Variants in EPO observed in about 807,000 individuals in gnomAD.
EPO encodes erythropoietin.
A neutral mutation model predicts 24.4 loss-of-function variants in EPO; 12 were observed. The ratio of observed to expected loss-of-function variants is 0.49; its 90% CI spans 0.32 to 0.80. The LOEUF is 0.80. EPO is among the 30% of genes least tolerant of loss of function. The pLI, the probability that EPO is intolerant of heterozygous loss-of-function variation, is 0.04. For synonymous variants in EPO, 107 were observed against 104.0 expected (o/e 1.03, Z -0.18); for missense variants, 210 against 238.0 (o/e 0.88, Z 0.77).
Position 100,721,567 on chromosome 7 carries a change from C to T in EPO, c.23C>T (p.Ala8Val), listed in dbSNP as rs1196749542. ...TGGCTATCTGTTCTAGAATGTCCTGCCTGGCTGTGGCTTCTCCTGTCCCTG... is the reference window on the plus strand; with the variant it reads ...TGGCTATCTGTTCTAGAATGTCCTGTCTGGCTGTGGCTTCTCCTGTCCCTG... MGVHECPAWLWLLLSLLS... is the reference protein window; with the variant it reads MGVHECPVWLWLLLSLLS... The change falls in exon 2 of 5, where the codon GCC becomes GTC. Residue 8 changes from alanine (A) to valine (V), a missense_variant. By Grantham distance (64) the Ala-to-Val change is moderately conservative. Coordinates refer to ENST00000252723, the MANE Select transcript of EPO (RefSeq NM_000799.4). The surrounding 1 kb of genome is among the most constrained non-coding windows in gnomAD (Gnocchi z 4.0). 6.2e-7 allele frequency: 1 copy of T among 1,613,934 alleles called. No homozygotes were observed. The highest frequency in any genetic ancestry group is 2.2e-5 in the East Asian group (1 of 44,878).
rs1477072503 is a variant in EPO at position 100,723,199 on chromosome 7, C to A, written c.*66C>A. 11 of 1,522,460 alleles carry A rather than the reference C, an allele frequency of 7.2e-6. No individual in the cohort carries two copies. Among genetic ancestry groups the A allele is most frequent in the Middle Eastern group, 1.8e-4 (1 of 5,590 alleles). 94.3% of individuals were successfully genotyped at this position (1,522,460 alleles called of 1,614,324 possible). On this transcript the variant is annotated 3_prime_UTR_variant, in exon 5 of 5. Coordinates refer to ENST00000252723, the MANE Select transcript of EPO (RefSeq NM_000799.4). ...CAACATTGCTTGTGCCACACCCTCCCCCGCCACTCCTGAACCCCGTCGAGG... is the reference window on the plus strand; with the variant it reads ...CAACATTGCTTGTGCCACACCCTCCACCGCCACTCCTGAACCCCGTCGAGG...
chr7:100,722,777 G>C lies in EPO; in HGVS notation c.360G>C (p.Leu120=), dbSNP rs1476292304. The C allele has an allele frequency of 9.3e-6, 15 of 1,614,072 alleles. No homozygotes were observed. The highest frequency in any genetic ancestry group is 1.3e-5 in the Non-Finnish European group (15 of 1,179,994). ...NSSQPWEPLQ[L]HVDKAVSGLR... ...CCCAGCCGTGGGAGCCCCTGCAGCT[G>C]CATGTGGATAAAGCCGTCAGTGGCC... The change falls in exon 4 of 5, where the codon CTG becomes CTC. Residue 120 remains leucine, a synonymous_variant. Transcript: ENST00000252723.
At position 100,723,084 on chromosome 7, in the gene EPO, G is replaced by A. The variant is rs1242073140; in HGVS notation, c.533G>A (p.Gly178Glu). 1 of 1,614,100 alleles carries A rather than the reference G, an allele frequency of 6.2e-7. No individual in the cohort carries two copies. Among genetic ancestry groups the A allele is most frequent in the Admixed American group, 1.7e-5 (1 of 60,002 alleles). ...LFRVYSNFLR[G>E]KLKLYTGEAC... ...CGAGTCTACTCCAATTTCCTCCGGG[G>A]AAAGCTGAAGCTGTACACAGGGGAG... The change falls in exon 5 of 5, where the codon GGA becomes GAA. Residue 178 changes from glycine (G) to glutamate (E), a missense_variant. Gly to Glu is a moderately conservative substitution (Grantham distance 98). Coordinates refer to ENST00000252723, the MANE Select transcript of EPO (RefSeq NM_000799.4).
rs1806787078 is a variant in EPO, at chr7:100,723,596, G to GTT, written c.*463_*464insTT. 6.4e-6 allele frequency: 1 copy of GTT among 155,170 alleles called. No individual in the cohort carries two copies. Among genetic ancestry groups the GTT allele is most frequent in the Non-Finnish European group, 1.4e-5 (1 of 70,166 alleles). The allele number at this position is 155,170 out of a possible 1,614,324, so 9.6% of individuals were successfully genotyped here. A position where few individuals can be genotyped will look rare whatever the true frequency, so the allele number is the denominator to read the frequency against. The stretch of plus-strand genomic sequence containing the variant: ...GGTGGCAAGAGCCCCCTTGACACCG[G>GTT]GGTGGTGGGAACCATGAAGACAGGA... On this transcript the variant is annotated 3_prime_UTR_variant, in exon 5 of 5. Coordinates refer to ENST00000252723, the MANE Select transcript of EPO (RefSeq NM_000799.4).
rs1806723347 is a variant in EPO at position 100,720,574 on chromosome 7, C to T, written c.-407C>T. ...CAGCCCCCATGACCCACACGCACGT[C>T]TGCAGCAGCCCCGCTCACGCCCCGG... On this transcript the variant is annotated 5_prime_UTR_variant, in exon 1 of 5. Transcript: ENST00000252723. Among the ~76,000 whole-genome samples, 1 of 152,156 alleles carries T rather than the reference C, an allele frequency of 6.6e-6. No homozygotes were observed. Among genetic ancestry groups the T allele is most frequent in the African/African-American group, 2.4e-5 (1 of 41,440 alleles).
rs564752996 is a variant in EPO at position 100,721,755 on chromosome 7, G to A, written c.159+52G>A. On this transcript the variant is annotated intron_variant, in intron 2 of 4. Coordinates refer to ENST00000252723, the MANE Select transcript of EPO (RefSeq NM_000799.4). The surrounding 1 kb of genome is among the most constrained non-coding windows in gnomAD (Gnocchi z 4.0). ...ACAGAACTCACGCTCAGGGCTTCAGGGAACTCCTCCCAGATCCAGGAACCT... is the reference window on the plus strand; with the variant it reads ...ACAGAACTCACGCTCAGGGCTTCAGAGAACTCCTCCCAGATCCAGGAACCT... The A allele has an allele frequency of 4.1e-5, 64 of 1,574,894 alleles. No individual in the cohort carries two copies. Among genetic ancestry groups the A allele is most frequent in the Admixed American group, 2.3e-4 (13 of 55,364 alleles).
rs543789146 is a variant in EPO at position 100,720,768 on chromosome 7, G to T, written c.-213G>T. ...GCAGAGTCCCTGGGCCACCCCGGCC[G>T]CTCGCTGCGCTGCGCCGCACCGCGC... On this transcript the variant is annotated 5_prime_UTR_variant, in exon 1 of 5. Transcript: ENST00000252723. The T allele has an allele frequency of 4.5e-5, 20 of 446,902 alleles. No individual in the cohort carries two copies. Among genetic ancestry groups the T allele is most frequent in the African/African-American group, 3.3e-4 (16 of 48,158 alleles). 27.7% of individuals were successfully genotyped at this position (446,902 alleles called of 1,614,324 possible).
At position 100,721,679 on chromosome 7, in the gene EPO, G is replaced by T; in HGVS notation, c.135G>T (p.Glu45Asp). The change falls in exon 2 of 5, where the codon GAG becomes GAT. Residue 45 changes from glutamate to aspartate, a missense_variant. Transcript: ENST00000252723. The surrounding 1 kb of genome is among the most constrained non-coding windows in gnomAD (Gnocchi z 4.0). ...GAGTCCTGGAGAGGTACCTCTTGGAGGCCAAGGAGGCCGAGAATATCACGG... is the reference window on the plus strand; with the variant it reads ...GAGTCCTGGAGAGGTACCTCTTGGATGCCAAGGAGGCCGAGAATATCACGG... ...DSRVLERYLLEAKEAENITTG... is the reference protein window; with the variant it reads ...DSRVLERYLLDAKEAENITTG... 6.2e-7 allele frequency: 1 copy of T among 1,611,474 alleles called. No individual in the cohort carries two copies. The highest frequency in any genetic ancestry group is 8.5e-7 in the Non-Finnish European group (1 of 1,179,966).
chr7:100,721,096 G>C lies in EPO; in HGVS notation c.13+103G>C, dbSNP rs1429755127. On this transcript the variant is annotated intron_variant, in intron 1 of 4. Coordinates refer to ENST00000252723, the MANE Select transcript of EPO (RefSeq NM_000799.4). This position sits in a 1 kb window ranked among gnomAD's most constrained non-coding sequence, Gnocchi z 4.0. ...CAGGAGGTGGCTGGGTTCAAGGACCGGCGACTTGTCAAGGACCCCGGAAGG... is the reference window on the plus strand; with the variant it reads ...CAGGAGGTGGCTGGGTTCAAGGACCCGCGACTTGTCAAGGACCCCGGAAGG... The C allele has an allele frequency of 6.5e-6, 7 of 1,075,722 alleles. No homozygotes were observed. Among genetic ancestry groups the C allele is most frequent in the South Asian group, 1.7e-5 (1 of 60,072 alleles). 66.6% of individuals were successfully genotyped at this position (1,075,722 alleles called of 1,614,324 possible).
intron 3 of EPO, 85 bp downstream of exon 3, chr7:100,722,133 G>A: frequency 7.7e-7 from 1 of 1,298,020 alleles, no homozygotes; most frequent in South Asian, 1.4e-5. Context: ...GAATGATCGA[G>A]GGAAAGGTAA....
intron 3 of EPO, 95 bp from the exon 4 acceptor site, chr7:100,722,569 C>G (rs1806760879): frequency 2.0e-6 from 2 of 980,828 alleles, no homozygotes; most frequent in East Asian, 4.9e-5. Flanking sequence ...TTATTGCATA[C>G]CTTCTGTTTG....
In EPO at chr7:100,721,899, G is replaced by A. The variant is rs1806746212; in HGVS notation, c.160-63G>A. 9 of 1,562,652 alleles carry A rather than the reference G, an allele frequency of 5.8e-6. No homozygotes were observed. Among genetic ancestry groups the A allele is most frequent in the Middle Eastern group, 1.7e-4 (1 of 5,828 alleles). ...AAGGAGCAAAGCCAGCAGATCCTACGGCCTGTGGGCCAGGGCCAGAGCCTT... is the reference window on the plus strand; with the variant it reads ...AAGGAGCAAAGCCAGCAGATCCTACAGCCTGTGGGCCAGGGCCAGAGCCTT... On this transcript the variant is annotated intron_variant, in intron 2 of 4. Transcript: ENST00000252723. This position sits in a 1 kb window ranked among gnomAD's most constrained non-coding sequence, Gnocchi z 4.0.
rs1363796657 is a variant in EPO, at chr7:100,720,553, C to A, written c.-428C>A. 2.0e-5 allele frequency among the ~76,000 whole-genome samples: 3 copies of A among 152,162 alleles called. No individual in the cohort carries two copies. Among genetic ancestry groups the A allele is most frequent in the African/African-American group, 7.2e-5 (3 of 41,442 alleles). ...CCGCGACCCAGGGCCCGGGAGCAGC[C>A]CCCATGACCCACACGCACGTCTGCA... On this transcript the variant is annotated 5_prime_UTR_variant, in exon 1 of 5. Coordinates refer to ENST00000252723, the MANE Select transcript of EPO (RefSeq NM_000799.4).
chr7:100,722,749 C>A lies in EPO; in HGVS notation c.332C>A (p.Ser111Tyr), dbSNP rs1313074372. The change falls in exon 4 of 5, where the codon TCT becomes TAT. Residue 111 changes from serine to tyrosine, a missense_variant. Ser to Tyr is a moderately radical substitution (Grantham distance 144). Coordinates refer to ENST00000252723, the MANE Select transcript of EPO (RefSeq NM_000799.4). ...VLRGQALLVN[S>Y]SQPWEPLQLH... ...CGGGGCCAGGCCCTGTTGGTCAACT[C>A]TTCCCAGCCGTGGGAGCCCCTGCAG... 7 of 1,613,880 alleles carry A rather than the reference C, an allele frequency of 4.3e-6. No individual in the cohort carries two copies. The highest frequency in any genetic ancestry group is 5.1e-6 in the Non-Finnish European group (6 of 1,179,986).
At position 100,723,128 on chromosome 7, in the gene EPO, A is replaced by G. The variant is rs371108812; in HGVS notation, c.577A>G (p.Arg193Gly). ...YTGEACRTGD[R>G] is the part of the protein sequence containing the mutation. ...AGGGGAGGCCTGCAGGACAGGGGACAGATGACCAGGTGTGTCCACCTGGGC... is the reference window on the plus strand; with the variant it reads ...AGGGGAGGCCTGCAGGACAGGGGACGGATGACCAGGTGTGTCCACCTGGGC... The change falls in exon 5 of 5, where the codon AGA (arginine) becomes GGA (glycine). Residue 193 changes from arginine to glycine, a missense_variant. By Grantham distance (125) the Arg-to-Gly change is moderately radical (BLOSUM62 -2). Transcript: ENST00000252723. The G allele has an allele frequency of 6.8e-6, 11 of 1,613,370 alleles. No individual in the cohort carries two copies. Among genetic ancestry groups the G allele is most frequent in the African/African-American group, 1.3e-5 (1 of 74,904 alleles).
intron 3 of EPO, 145 bp from the exon 4 acceptor site, chr7:100,722,519 A>G: frequency 1.6e-6 from 1 of 631,742 alleles, no homozygotes; most frequent in South Asian, 2.0e-5. Flanking sequence ...TCACTCACTC[A>G]CTCACTCACT....
At position 100,721,926 on chromosome 7, in the gene EPO, A is replaced by G; in HGVS notation, c.160-36A>G. 1 of 1,588,272 alleles carries G rather than the reference A, an allele frequency of 6.3e-7. No homozygotes were observed. The highest frequency in any genetic ancestry group is 8.5e-7 in the Non-Finnish European group (1 of 1,171,570). On this transcript the variant is annotated intron_variant, in intron 2 of 4. Transcript: ENST00000252723. This position sits in a 1 kb window ranked among gnomAD's most constrained non-coding sequence, Gnocchi z 4.0. ...CCTGTGGGCCAGGGCCAGAGCCTTC[A>G]GGGACCCTTGACTCCCCGGGCTGTG...
chr7:100,722,800 G>C lies in EPO; in HGVS notation c.383G>C (p.Gly128Ala), dbSNP rs746684403. ...LQLHVDKAVS[G>A]LRSLTTLLRA... is the part of the protein sequence containing the mutation. ...CTGCATGTGGATAAAGCCGTCAGTG[G>C]CCTTCGCAGCCTCACCACTCTGCTT... Residue 128 changes from glycine (G) to alanine (A), a missense_variant, in exon 4 of 5, where the codon GGC (glycine) becomes GCC (alanine). Gly to Ala is a moderately conservative substitution (Grantham distance 60). Coordinates refer to ENST00000252723, the MANE Select transcript of EPO (RefSeq NM_000799.4). The C allele has an allele frequency of 6.2e-7, 1 of 1,614,020 alleles. No homozygotes were observed.
In EPO at chr7:100,721,025, G is replaced by C. The variant is rs759840144; in HGVS notation, c.13+32G>C. On this transcript the variant is annotated intron_variant, in intron 1 of 4. Coordinates refer to ENST00000252723, the MANE Select transcript of EPO (RefSeq NM_000799.4). This position sits in a 1 kb window ranked among gnomAD's most constrained non-coding sequence, Gnocchi z 4.0. ...ACTCGCGGGCTGGGCGCTCCCGCCC[G>C]CCCGGGTCCCTGTTTGAGCGGGGAT... 1 of 1,558,168 alleles carries C rather than the reference G, an allele frequency of 6.4e-7. No homozygotes were observed.
Sources: gnomAD v4.1 joint callset for allele counts (sites outside exome capture counted in the v4.1 genomes callset) on GRCh38, gnomAD v4.1.1 for gene constraint, Gnocchi (gnomAD v3.1) non-coding constraint, MANE v1.5 for transcripts, NCBI Gene and HGNC (gene_info 2026-07-23, HGNC 2026-07-21) for gene names.